The following RTEL1 variants were observed in gnomAD, a reference collection of about 807,000 sequenced individuals.
RTEL1 encodes regulator of telomere length.
A neutral mutation model predicts 162.2 loss-of-function variants in RTEL1; 86 were observed. The observed-to-expected ratio is 0.53, with a 90% CI of 0.45 to 0.63. RTEL1 has a LOEUF of 0.63. Ranked by LOEUF, RTEL1 falls within the 30% of genes least tolerant of loss-of-function variation. The pLI is 0.00. For synonymous variants in RTEL1, 958 were observed against 717.9 expected (o/e 1.33, Z -5.35); for missense variants, 1,941 against 1,750.2 (o/e 1.11, Z -1.95).
Position 63,695,878 on chromosome 20 carries a change from G to T in RTEL1, c.*20G>T, listed in dbSNP as rs1201475794. 1.3e-6 allele frequency: 2 copies of T among 1,563,706 alleles called. No homozygotes were observed. The highest frequency in any genetic ancestry group is 1.7e-6 in the Non-Finnish European group (2 of 1,155,482). On this transcript the variant is annotated 3_prime_UTR_variant, in exon 35 of 35. Coordinates refer to ENST00000360203, the MANE Select transcript of RTEL1 (RefSeq NM_001283009.2). ...CAGTGAGTGCCCACGGAGGCCCCCAGCACACCCAACGTGGCTTGATCACCT... is the reference window on the plus strand; with the variant it reads ...CAGTGAGTGCCCACGGAGGCCCCCATCACACCCAACGTGGCTTGATCACCT...
Position 63,676,679 on chromosome 20 carries a change from T to C in RTEL1, c.920-1466T>C, listed in dbSNP as rs538504730. ...GGCCGGGTGTGCTGTCTCACACCTG[T>C]CATCCCAGCACTTTGGGAGGCCCAG... On this transcript the variant is annotated intron_variant, in intron 10 of 34. Transcript: ENST00000360203. Among the ~76,000 whole-genome samples, 669 of 152,314 alleles carry C rather than the reference T, an allele frequency of 4.4e-3. 7 individuals carry two copies. The highest frequency in any genetic ancestry group is 0.016 in the African/African-American group (645 of 41,566).
intron 2 of RTEL1, chr20:63,660,888 C>T (rs139236920): frequency 1.0e-3 from 215 of 210,582 alleles, no homozygotes; most frequent in African/African-American, 4.8e-3. Flanking sequence ...CCGGCTCACA[C>T]CCTTCCCCTC....
rs201555555 is a variant in RTEL1, at chr20:63,661,446, G to A, written c.251G>A (p.Arg84Gln). The A allele has an allele frequency of 1.2e-6, 2 of 1,613,458 alleles. No individual in the cohort carries two copies. Among genetic ancestry groups the A allele is most frequent in the African/African-American group, 1.3e-5 (1 of 75,016 alleles). ...ERAQGELFPDRALSSWGNAAA... is the reference protein window; with the variant it reads ...ERAQGELFPDQALSSWGNAAA... ...GCGCAAGGAGAGCTTTTCCCGGATC[G>A]GGCCTTGTCATCCTGGGGCAACGCT... The change falls in exon 3 of 35, where the codon CGG becomes CAG. Residue 84 changes from arginine to glutamine, a missense_variant. By Grantham distance (43) the Arg-to-Gln change is conservative. Transcript: ENST00000360203. The surrounding 1 kb of genome is among the most constrained non-coding windows in gnomAD (Gnocchi z 5.1).
intron 18 of RTEL1, 41 bp from the exon 19 acceptor site, chr20:63,688,098 C>G: frequency 6.2e-7 from 1 of 1,612,290 alleles, no homozygotes; most frequent in Non-Finnish European, 8.5e-7. Flanking sequence ...TGGGGGAGCA[C>G]TGAGGCCTGA....
At position 63,674,038 on chromosome 20, in the gene RTEL1, G is replaced by A. The variant is rs1361825447; in HGVS notation, c.864G>A (p.Lys288=). 1 of 1,613,492 alleles carries A rather than the reference G, an allele frequency of 6.2e-7. No homozygotes were observed. The highest frequency in any genetic ancestry group is 2.2e-5 in the East Asian group (1 of 44,888). ...VIDQVLEEQT[K]AAQQGEPHPE... is the part of the protein sequence containing the mutation. Reference sequence around the variant, plus strand: ...ACCAGGTGCTGGAGGAGCAGACCAAGGCAGCGCAGCAGGGTGAGCCCCACC... The same window carrying A: ...ACCAGGTGCTGGAGGAGCAGACCAAAGCAGCGCAGCAGGGTGAGCCCCACC... The change falls in exon 10 of 35, where the codon AAG becomes AAA. Residue 288 remains lysine, a synonymous_variant. Transcript: ENST00000360203.
intron 6 of RTEL1, among the ~76,000 whole-genome samples, chr20:63,664,171 G>C (rs1026652535): frequency 6.6e-5 from 10 of 152,150 alleles, no homozygotes; most frequent in African/African-American, 1.9e-4. Context: ...CTGCCGGCTC[G>C]TCCCGGTGAT....
At position 63,690,180 on chromosome 20, in the gene RTEL1, G is replaced by A; in HGVS notation, c.2235G>A (p.Val745=). The change falls in exon 25 of 35, where the codon GTG becomes GTA. Residue 745 remains valine, a synonymous_variant. Coordinates refer to ENST00000360203, the MANE Select transcript of RTEL1 (RefSeq NM_001283009.2). ...YDNFGHVIRD[V]AQFFRVAERT... is the part of the protein sequence containing the mutation. ...ACTTTGGCCATGTCATCCGAGACGTGGCCCAGTTCTTCCGTGTTGCCGAGC... is the reference window on the plus strand; with the variant it reads ...ACTTTGGCCATGTCATCCGAGACGTAGCCCAGTTCTTCCGTGTTGCCGAGC... The A allele has an allele frequency of 1.2e-6, 2 of 1,612,534 alleles. No individual in the cohort carries two copies. The highest frequency in any genetic ancestry group is 1.1e-5 in the South Asian group (1 of 91,088).
At chr20:63,673,735 G>A (rs544896652) in intron 9 of RTEL1, among the ~76,000 whole-genome samples, 1 of 152,158 alleles carries the variant, frequency 6.6e-6, no homozygotes, top group South Asian at 2.1e-4. Flanking sequence ...CACCGCGCCC[G>A]GCCTGAAACA....
chr20:63,666,123 C>A, intron 7 of RTEL1, 44 bp downstream of exon 7: 1 of 1,512,580 alleles, frequency 6.6e-7, no homozygotes, highest in Non-Finnish European at 9.2e-7. Flanking sequence ...CTTCCATGGC[C>A]CAGCTCTCCT....
chr20:63,693,344 T>A, intron 30 of RTEL1, 61 bp downstream of exon 30: 2 of 1,593,598 alleles, frequency 1.3e-6, no homozygotes, highest in Non-Finnish European at 1.7e-6. Context: ...TGGGCCAGAG[T>A]CCTGGGCTGC....
At chr20:63,690,503 G>GGGGGGGGGGGGGGGGGGGGGGGGGGGGC in intron 26 of RTEL1, 62 bp downstream of exon 26, 1 of 1,028,422 alleles carries the variant, frequency 9.7e-7, no homozygotes. Flanking sequence ...CGTGGGGCGG[G>GGGGGGGGGGGGGGGGGGGGGGGGGGGGC]CAGCACCAGG....
chr20:63,695,781 T>A lies in RTEL1; in HGVS notation c.3826T>A (p.Ser1276Thr). Residue 1276 changes from serine (S) to threonine (T), a missense_variant, in exon 35 of 35, where the codon TCT becomes ACT. Coordinates refer to ENST00000360203, the MANE Select transcript of RTEL1 (RefSeq NM_001283009.2). ...QACWQRHLQA[S>T]RMCPACHTAS... ...CAGTGGGCCGGTTGTCTCACAGGCCTCTAGGATGTGCCCAGCCTGCCACAC... is the reference window on the plus strand; with the variant it reads ...CAGTGGGCCGGTTGTCTCACAGGCCACTAGGATGTGCCCAGCCTGCCACAC... The A allele has an allele frequency of 6.3e-7, 1 of 1,592,180 alleles. No homozygotes were observed. Among genetic ancestry groups the A allele is most frequent in the Non-Finnish European group, 8.5e-7 (1 of 1,170,188 alleles).
intron 27 of RTEL1, 34 bp downstream of exon 27, chr20:63,690,981 C>T (rs917115062): frequency 2.0e-6 from 3 of 1,527,970 alleles, no homozygotes; most frequent in Admixed American, 2.0e-5. Flanking sequence ...GGACACAGAC[C>T]CTCTGTCTCC....
chr20:63,675,739 C>A (rs1432659530), intron 10 of RTEL1, among the ~76,000 whole-genome samples: 1 of 152,172 alleles, frequency 6.6e-6, no homozygotes, highest in Non-Finnish European at 1.5e-5. Flanking sequence ...TTTGAACGCT[C>A]CACCTCCCTC....
Position 63,685,890 on chromosome 20 carries a change from C to T in RTEL1, c.1348+18C>T, listed in dbSNP as rs1253375025. ...AAAGCGAGGTACAGACCTGGGCCCA[C>T]ACGCTCCCCGCCCGCCCGGGTGCAG... On this transcript the variant is annotated intron_variant, in intron 16 of 34. Transcript: ENST00000360203. The T allele has an allele frequency of 1.9e-6, 3 of 1,608,962 alleles. No homozygotes were observed. Among genetic ancestry groups the T allele is most frequent in the Non-Finnish European group, 1.7e-6 (2 of 1,177,926 alleles).
chr20:63,666,567 G>T (rs760492602), intron 7 of RTEL1, among the ~76,000 whole-genome samples: 3 of 152,106 alleles, frequency 2.0e-5, no homozygotes, highest in Admixed American at 2.0e-4. Flanking sequence ...ACAGGGTCTC[G>T]CTCTGCTACC....
rs772349486 is a variant in RTEL1 at position 63,684,543 on chromosome 20, C to T, written c.1192-980C>T. ...TAATTTTTTGTATTTTTAGTAGAGA[C>T]GAGGTTTCACCGTGTTAGCCAGGAT... On this transcript the variant is annotated intron_variant, in intron 14 of 34. Coordinates refer to ENST00000360203, the MANE Select transcript of RTEL1 (RefSeq NM_001283009.2). Among the ~76,000 whole-genome samples, 26 of 152,082 alleles carry T rather than the reference C, an allele frequency of 1.7e-4. No individual in the cohort carries two copies. In the Middle Eastern group the frequency reaches 0.01, roughly 60 times the overall value.
chr20:63,665,881 G>C, intron 6 of RTEL1, 123 bp from the exon 7 acceptor site: 1 of 806,772 alleles, frequency 1.2e-6, no homozygotes, highest in Non-Finnish European at 2.0e-6. Flanking sequence ...GCGCGTTCAC[G>C]GTTGGTGGGG....
At chr20:63,672,521 G>C in intron 8 of RTEL1, 35 bp from the exon 9 acceptor site, 1 of 1,526,756 alleles carries the variant, frequency 6.5e-7, no homozygotes, top group Middle Eastern at 1.8e-4. Context: ...GCCTCTGTGA[G>C]CTCCAGCGCT....
Sources: allele counts gnomAD v4.1 joint callset (sites outside exome capture counted in the v4.1 genomes callset), GRCh38; gene constraint gnomAD v4.1.1; non-coding constraint Gnocchi (gnomAD v3.1); transcripts MANE v1.5; gene names NCBI Gene and HGNC (gene_info 2026-07-23, HGNC 2026-07-21).